HPS5: variants seen among roughly 807,000 people sequenced by gnomAD.
HPS5 encodes the protein BLOC-2 complex member HPS5.
HPS5 carries 83 observed loss-of-function variants against 128.0 expected under a neutral mutation model. The observed-to-expected ratio is 0.65, with a 90% CI of 0.54 to 0.78. The LOEUF (loss-of-function observed/expected upper bound fraction) is 0.78. HPS5 is among the 30% of genes least tolerant of loss of function. The pLI, the probability that HPS5 is intolerant of heterozygous loss-of-function variation, is 0.00. For missense variants in HPS5, 1,281 were observed against 1,326.2 expected (o/e 0.97, Z 0.53); for synonymous variants, 475 against 470.2 (o/e 1.01, Z -0.13).
At chr11:18,300,716 A>G in intron 9 of HPS5, 112 bp downstream of exon 9, 2 of 538,888 alleles carry the variant, frequency 3.7e-6, no homozygotes, top group Non-Finnish European at 6.7e-6. Context: ...AAAAAAAAAA[A>G]AAAAGTCATC....
chr11:18,291,432 T>A lies in HPS5; in HGVS notation c.2440+10A>T. 6.6e-7 allele frequency: 1 copy of A among 1,516,118 alleles called. No individual in the cohort carries two copies. The highest frequency in any genetic ancestry group is 9.2e-7 in the Non-Finnish European group (1 of 1,091,566). 93.9% of individuals were successfully genotyped at this position (1,516,118 alleles called of 1,614,324 possible). A position where few individuals can be genotyped will look rare whatever the true frequency, so the allele number is the denominator to read the frequency against. ...AATTTCTATCTTTGATAAGGCAATC[T>A]GAGTATTACCTTTCAATCCTTCAAT... On this transcript the variant is annotated intron_variant, in intron 16 of 22. Transcript: ENST00000349215.
At chr11:18,302,453 A>T (rs1198695569) in intron 8 of HPS5, among the ~76,000 whole-genome samples, 1 of 152,086 alleles carries the variant, frequency 6.6e-6, no homozygotes. Flanking sequence ...CCTATTTCTT[A>T]TACTCTGCTC....
chr11:18,296,941 C>G lies in HPS5; in HGVS notation c.1367G>C (p.Ser456Thr). 1 of 1,608,182 alleles carries G rather than the reference C, an allele frequency of 6.2e-7. No homozygotes were observed. The highest frequency in any genetic ancestry group is 8.5e-7 in the Non-Finnish European group (1 of 1,175,694). Residue 456 changes from serine (S) to threonine (T), a missense_variant, in exon 12 of 23, where the codon AGT becomes ACT. Physicochemically the swap from Ser to Thr is moderately conservative, Grantham distance 58 (BLOSUM62 1). Transcript: ENST00000349215. ...ILDSGIYRII[S>T]SRRGSQSDED... ...ATCTGACTGACTGCCTCTTCTACTACTAATGATACGATAAATACCAGAGTC... is the reference window on the plus strand; with the variant it reads ...ATCTGACTGACTGCCTCTTCTACTAGTAATGATACGATAAATACCAGAGTC...
intron 21 of HPS5, among the ~76,000 whole-genome samples, chr11:18,282,968 C>T (rs553602189): frequency 6.6e-6 from 1 of 152,280 alleles, no homozygotes; most frequent in South Asian, 2.1e-4. Context: ...GACAATGTGA[C>T]ACAGGAAAGA....
intron 20 of HPS5, 29 bp downstream of exon 20, chr11:18,285,317 A>T: frequency 7.3e-7 from 1 of 1,377,242 alleles, no homozygotes; most frequent in Non-Finnish European, 1.0e-6. Context: ...TCTAACCTTA[A>T]CTTCAGTTTC....
chr11:18,299,484 G>GT (rs1308454970), intron 9 of HPS5, among the ~76,000 whole-genome samples: 10 of 152,188 alleles, frequency 6.6e-5, no homozygotes, highest in African/African-American at 2.2e-4. Flanking sequence ...GATGAGACCA[G>GT]TAAGTAATGA....
rs1863210386 is a variant in HPS5 at position 18,313,234 on chromosome 11, T to A, written c.109-1210A>T. Among the ~76,000 whole-genome samples, 3 of 150,894 alleles carry A rather than the reference T, an allele frequency of 2.0e-5. No individual in the cohort carries two copies. The South Asian group carries it at 6.2e-4, about 31-fold the overall frequency. On this transcript the variant is annotated intron_variant, in intron 2 of 22. Coordinates refer to ENST00000349215, the MANE Select transcript of HPS5 (RefSeq NM_181507.2). ...ATACTTATTGAGGGAAAAAAAAAAA[T>A]AGCTCAGGGCAGTCTGAGCTATGTG...
intron 1 of HPS5, among the ~76,000 whole-genome samples, chr11:18,319,259 A>T (rs1001662172): frequency 1.2e-4 from 15 of 122,260 alleles, no homozygotes; most frequent in Non-Finnish European, 5.6e-5. Context: ...CAAATACCAC[A>T]CACACACACA....
chr11:18,311,328 C>T, intron 4 of HPS5, 59 bp downstream of exon 4: 11 of 1,211,962 alleles, frequency 9.1e-6, no homozygotes, highest in Non-Finnish European at 1.2e-5. Flanking sequence ...CTAACAAACA[C>T]ATGTGTCAAT....
At chr11:18,288,135 G>T (rs1284344762) in intron 16 of HPS5, 122 bp from the exon 17 acceptor site, 1 of 984,156 alleles carries the variant, frequency 1.0e-6, no homozygotes, top group Non-Finnish European at 1.6e-6. Flanking sequence ...TTATGTGCAA[G>T]GCCCAATATT....
intron 22 of HPS5, among the ~76,000 whole-genome samples, chr11:18,281,419 G>C (rs1858933030): frequency 1.3e-5 from 2 of 150,774 alleles, no homozygotes; most frequent in South Asian, 4.2e-4. Flanking sequence ...TTTTGTTTTT[G>C]AGATGGAGTC....
intron 6 of HPS5, among the ~76,000 whole-genome samples, chr11:18,307,373 T>C (rs1046730938): frequency 2.0e-5 from 3 of 152,218 alleles, no homozygotes; most frequent in Non-Finnish European, 4.4e-5. Context: ...TTTAAGAACA[T>C]AGGTGTAAGA....
chr11:18,307,036 A>G (rs993867849), intron 6 of HPS5, among the ~76,000 whole-genome samples: 1 of 152,194 alleles, frequency 6.6e-6, no homozygotes, highest in African/African-American at 2.4e-5. Flanking sequence ...CTTGATTCCC[A>G]TATATGGAAT....
Position 18,306,156 on chromosome 11 carries a change from G to C in HPS5, c.803C>G (p.Pro268Arg), listed in dbSNP as rs1398084248. 6.2e-7 allele frequency: 1 copy of C among 1,612,032 alleles called. No individual in the cohort carries two copies. The highest frequency in any genetic ancestry group is 1.3e-5 in the African/African-American group (1 of 74,848). The change falls in exon 7 of 23, where the codon CCT (proline) becomes CGT (arginine). Residue 268 changes from proline to arginine, a missense_variant. Transcript: ENST00000349215. ...HQFKKLLSLP[P>R]LPVITLRSEP... The stretch of plus-strand genomic sequence containing the variant: ...TTACCTGAGAGTAATCACAGGGAGA[G>C]GTGGCAACGAGAGGAGTTTCTTGAA...
rs531822932 is a variant in HPS5 at position 18,299,631 on chromosome 11, G to T, written c.986-661C>A. ...TTCTGGTTTTAACCCAAAGAATATA[G>T]AGATTGATTTTCTGTCTCAGTCACA... On this transcript the variant is annotated intron_variant, in intron 9 of 22. Transcript: ENST00000349215. Among the ~76,000 whole-genome samples, 44 of 152,280 alleles carry T rather than the reference G, an allele frequency of 2.9e-4. No individual in the cohort carries two copies. In the South Asian group the frequency reaches 7.3e-3, roughly 25 times the overall value.
At chr11:18,305,879 G>A (rs994568702) in intron 7 of HPS5, among the ~76,000 whole-genome samples, 5 of 152,038 alleles carry the variant, frequency 3.3e-5, no homozygotes, top group African/African-American at 9.7e-5. Context: ...ACAGGCATGC[G>A]CCACCACACC....
chr11:18,295,166 A>G lies in HPS5; in HGVS notation c.1638T>C (p.Val546=), dbSNP rs1860911070. 1 of 1,613,884 alleles carries G rather than the reference A, an allele frequency of 6.2e-7. No individual in the cohort carries two copies. The highest frequency in any genetic ancestry group is 1.3e-5 in the African/African-American group (1 of 74,926). ...LVSLQAVKES[V]SSFVRKTTEK... ...CAGTAGTTTTACGCACAAAGCTAGA[A>G]ACACTAGAAGTCAAATAACAAAAAA... The change falls in exon 14 of 23, where the codon GTT becomes GTC. Residue 546 remains valine (V), a synonymous_variant. Coordinates refer to ENST00000349215, the MANE Select transcript of HPS5 (RefSeq NM_181507.2).
rs1414984272 is a variant in HPS5 at position 18,286,520 on chromosome 11, C to T, written c.2837+71G>A. 4.6e-5 allele frequency: 68 copies of T among 1,462,948 alleles called. No homozygotes were observed. In the East Asian group the frequency reaches 8.7e-4, roughly 19 times the overall value. The allele number at this position is 1,462,948 out of a possible 1,614,324, so 90.6% of individuals were successfully genotyped here. Reference sequence around the variant, plus strand: ...TCTTAGCACCACATTCCAGCCTAGGCGACAGAGTGAGATCCTGTCTCAAAA... The same window carrying T: ...TCTTAGCACCACATTCCAGCCTAGGTGACAGAGTGAGATCCTGTCTCAAAA... On this transcript the variant is annotated intron_variant, in intron 19 of 22. Transcript: ENST00000349215.
rs775199658 is a variant in HPS5 at position 18,322,118 on chromosome 11, C to T, written c.-222G>A. 1 of 152,354 alleles carries T rather than the reference C, an allele frequency of 6.6e-6. No homozygotes were observed. Among genetic ancestry groups the T allele is most frequent in the Non-Finnish European group, 1.5e-5 (1 of 68,132 alleles). The allele number at this position is 152,354 out of a possible 1,614,324, so 9.4% of individuals were successfully genotyped here. A position where few individuals can be genotyped will look rare whatever the true frequency, so the allele number is the denominator to read the frequency against. On this transcript the variant is annotated 5_prime_UTR_variant, in exon 1 of 23. Coordinates refer to ENST00000349215, the MANE Select transcript of HPS5 (RefSeq NM_181507.2). ...GATCGGATCTTGTCTCCCGGCTTAG[C>T]GCCGGGGAACTCACCGCGCACTAAG...
Sources: gnomAD v4.1 joint callset for allele counts (sites outside exome capture counted in the v4.1 genomes callset) on GRCh38, gnomAD v4.1.1 for gene constraint, MANE v1.5 for transcripts, NCBI Gene and HGNC (gene_info 2026-07-23, HGNC 2026-07-21) for gene names.